Variants in MYL3 observed in about 807,000 individuals in gnomAD.
MYL3 encodes the protein myosin light chain 3.
In MYL3, 11 loss-of-function variants were observed where a neutral mutation model predicts 21.3. That is an observed-to-expected ratio of 0.52 (90% CI 0.32 to 0.85). The LOEUF is 0.85. Among genes scored for constraint, MYL3 ranks in the 40% least tolerant of loss-of-function variants. The pLI is 0.03. For missense variants in MYL3, 206 were observed against 253.3 expected (o/e 0.81, Z 1.27); for synonymous variants, 88 against 91.6 (o/e 0.96, Z 0.22).
chr3:46,859,430 G>T lies in MYL3; in HGVS notation c.481+45C>A. ...GGGGCAACAGAGTGGTTTCTCCCAG[G>T]ATGTCCCTGGAAGGAGTTGGGGTAG... On this transcript the variant is annotated intron_variant, in intron 4 of 6. Coordinates refer to ENST00000292327, the MANE Select transcript of MYL3 (RefSeq NM_000258.3). The surrounding 1 kb of genome is among the most constrained non-coding windows in gnomAD (Gnocchi z 4.1). The T allele has an allele frequency of 6.2e-7, 1 of 1,612,752 alleles. No homozygotes were observed. The highest frequency in any genetic ancestry group is 8.5e-7 in the Non-Finnish European group (1 of 1,179,436).
chr3:46,860,813 G>T lies in MYL3; in HGVS notation c.170C>A (p.Ala57Asp), dbSNP rs139794067. The T allele has an allele frequency of 1.2e-4, 190 of 1,614,056 alleles. 1 individual carries two copies. In the Middle Eastern group the frequency reaches 1.5e-3, roughly 13 times the overall value. The part of the protein sequence containing the change: ...TPEQIEEFKE[A>D]FMLFDRTPKC... ...GGGTGTGCGGTCGAACAGCATGAAG[G>T]CTTCCTTGAACTCTGCCAGGAGAGG... The change falls in exon 3 of 7, where the codon GCC becomes GAC. Residue 57 changes from alanine (A) to aspartate (D), a missense_variant. Physicochemically the swap from Ala to Asp is moderately radical, Grantham distance 126 (BLOSUM62 -2). Coordinates refer to ENST00000292327, the MANE Select transcript of MYL3 (RefSeq NM_000258.3). The surrounding 1 kb of genome is among the most constrained non-coding windows in gnomAD (Gnocchi z 4.6).
chr3:46,866,888 T>A (rs1702051829), upstream of MYL3, among the ~76,000 whole-genome samples: 1 of 152,068 alleles, frequency 6.6e-6, no homozygotes, highest in African/African-American at 2.4e-5. Flanking sequence ...GGGTGACCCC[T>A]GTGGTACAGG....
At chr3:46,872,710 T>C (rs1436967738) in intron 1 of MYL3, among the ~76,000 whole-genome samples, 2 of 152,228 alleles carry the variant, frequency 1.3e-5, no homozygotes, top group African/African-American at 4.8e-5. Context: ...GGGTGGGTCC[T>C]CTCTGCCAGC....
At chr3:46,864,196 G>A (rs1489802652), upstream of MYL3, among the ~76,000 whole-genome samples, 1 of 152,086 alleles carries the variant, frequency 6.6e-6, no homozygotes, top group African/African-American at 2.4e-5. The surrounding 1 kb of genome is among the most constrained non-coding windows in gnomAD (Gnocchi z 4.7). Flanking sequence ...ATGTGAGTGT[G>A]TCTGCGGGTG....
chr3:46,878,313 C>T (rs949713913), intron 1 of MYL3, among the ~76,000 whole-genome samples: 2 of 152,236 alleles, frequency 1.3e-5, no homozygotes, highest in Non-Finnish European at 2.9e-5. Flanking sequence ...ATCCCCTCCC[C>T]TACTGGGCTC....
rs529976968 is a variant in MYL3, at chr3:46,874,145, G to A, written c.-217-7545C>T. Among the ~76,000 whole-genome samples the A allele has an allele frequency of 6.6e-5, 10 of 152,246 alleles. No individual in the cohort carries two copies. Among genetic ancestry groups the A allele is most frequent in the South Asian group, 2.1e-4 (1 of 4,820 alleles). On this transcript the variant is annotated intron_variant, in intron 1 of 3. Coordinates refer to the MYL3 transcript ENST00000431168. The surrounding 1 kb of genome is among the most constrained non-coding windows in gnomAD (Gnocchi z 4.1). ...CTCTGGATGTCGCTTTCCCATACAC[G>A]GTTTTATAAACTTCCCTGAGTGCTT...
intron 1 of MYL3, among the ~76,000 whole-genome samples, chr3:46,876,458 C>T (rs6791662): frequency 0.013 from 2,029 of 152,334 alleles, 49 homozygotes; most frequent in African/African-American, 0.044. Flanking sequence ...GAGCAGTGCA[C>T]TTCAGAGTAG....
chr3:46,880,756 A>C (rs2030506101), intron 1 of MYL3, among the ~76,000 whole-genome samples: 1 of 142,362 alleles, frequency 7.0e-6, no homozygotes, highest in African/African-American at 3.1e-5. Flanking sequence ...AAGGAGAAGA[A>C]AGAAGAAGAA....
At chr3:46,881,920 G>A (rs894479963) in intron 1 of MYL3, among the ~76,000 whole-genome samples, 1 of 152,148 alleles carries the variant, frequency 6.6e-6, no homozygotes, top group Non-Finnish European at 1.5e-5. Flanking sequence ...CTCGGCTCAG[G>A]GTCTCTATTC....
chr3:46,867,635 C>G (rs1198088666), upstream of MYL3, among the ~76,000 whole-genome samples: 1 of 152,248 alleles, frequency 6.6e-6, no homozygotes, highest in Non-Finnish European at 1.5e-5. Flanking sequence ...CCGCAGTCTC[C>G]GCAGGCAGCC....
upstream of MYL3, among the ~76,000 whole-genome samples, chr3:46,864,951 T>A (rs905645734): frequency 1.3e-5 from 2 of 152,244 alleles, no homozygotes; most frequent in Non-Finnish European, 2.9e-5. This position sits in a 1 kb window ranked among gnomAD's most constrained non-coding sequence, Gnocchi z 4.7. Context: ...GCCCAGCATC[T>A]GTGCCTGGGG....
In MYL3 at chr3:46,859,403, G is replaced by T; in HGVS notation, c.481+72C>A. 6.3e-7 allele frequency: 1 copy of T among 1,590,252 alleles called. No homozygotes were observed. Among genetic ancestry groups the T allele is most frequent in the Non-Finnish European group, 8.6e-7 (1 of 1,160,588 alleles). On this transcript the variant is annotated intron_variant, in intron 4 of 6. Transcript: ENST00000292327. The surrounding 1 kb of genome is among the most constrained non-coding windows in gnomAD (Gnocchi z 4.1). ...CATTTCACCAATGGGTCACAGGCCT[G>T]GGGGGCAACAGAGTGGTTTCTCCCA... is the stretch of plus-strand genomic sequence containing the variant.
chr3:46,866,750 A>C (rs1451133469), upstream of MYL3: 1 of 152,276 alleles, frequency 6.6e-6, no homozygotes, highest in African/African-American at 2.4e-5. Context: ...CAACTGACTG[A>C]CAGGAGCTCT....
In MYL3 at chr3:46,859,614, G is replaced by A. The variant is rs1701968970; in HGVS notation, c.342C>T (p.Phe114=). ...TGGAAATGTGCTGGAGCATAGGCAG[G>A]AAAGTTTCAAAGTCCATCATCTTGG... ...LNTKMMDFET[F]LPMLQHISKN... The change falls in exon 4 of 7, where the codon TTC becomes TTT. Residue 114 remains phenylalanine (F), a synonymous_variant. Transcript: ENST00000292327. This position sits in a 1 kb window ranked among gnomAD's most constrained non-coding sequence, Gnocchi z 4.1. 2 of 1,614,086 alleles carry A rather than the reference G, an allele frequency of 1.2e-6. No individual in the cohort carries two copies. Among genetic ancestry groups the A allele is most frequent in the African/African-American group, 2.7e-5 (2 of 74,918 alleles).
intron 4 of MYL3, 76 bp from the exon 5 acceptor site, chr3:46,858,537 C>G (rs1701957746): frequency 1.4e-6 from 2 of 1,442,812 alleles, no homozygotes; most frequent in South Asian, 1.2e-5. Context: ...CTGAATCCCT[C>G]TAGATGGTGG....
intron 1 of MYL3, among the ~76,000 whole-genome samples, 185 bp downstream of exon 1, chr3:46,863,077 A>C (rs1212874606): frequency 6.6e-6 from 1 of 152,194 alleles, no homozygotes; most frequent in Non-Finnish European, 1.5e-5. Context: ...ACGTCTGACC[A>C]CCATCCCTCC....
intron 1 of MYL3, chr3:46,880,992 C>G (rs1318363550): frequency 6.6e-6 from 1 of 152,212 alleles, no homozygotes; most frequent in African/African-American, 2.4e-5. Context: ...AGGATGCCCA[C>G]CCTCGTGGAA....
rs1029322901 is a variant in MYL3 at position 46,874,406 on chromosome 3, C to T, written c.-218+7668G>A. Among the ~76,000 whole-genome samples the T allele has an allele frequency of 2.6e-5, 4 of 152,272 alleles. No homozygotes were observed. The highest frequency in any genetic ancestry group is 6.8e-3 in the Middle Eastern group (2 of 294). ...GGACCACCCACATAGAGGGTTCCTC[C>T]AGGCCTAACAGGGCAGGAGTGTCAG... On this transcript the variant is annotated intron_variant, in intron 1 of 3. Coordinates refer to the MYL3 transcript ENST00000431168. The surrounding 1 kb of genome is among the most constrained non-coding windows in gnomAD (Gnocchi z 4.1).
chr3:46,871,328 C>T (rs9836801), intron 1 of MYL3, among the ~76,000 whole-genome samples: 1 of 151,904 alleles, frequency 6.6e-6, no homozygotes, highest in African/African-American at 2.4e-5. Flanking sequence ...CCCACCCTAC[C>T]CTGTTCACAG....
Sources: gnomAD v4.1 joint callset for allele counts (sites outside exome capture counted in the v4.1 genomes callset) on GRCh38, gnomAD v4.1.1 for gene constraint, Gnocchi (gnomAD v3.1) non-coding constraint, MANE v1.5 for transcripts, NCBI Gene and HGNC (gene_info 2026-07-23, HGNC 2026-07-21) for gene names.